The following IMPG1 variants were observed in gnomAD, a reference collection of about 807,000 sequenced individuals.
IMPG1 encodes the protein interphotoreceptor matrix proteoglycan of 150 kDa.
In IMPG1, 85 loss-of-function variants were observed where a neutral mutation model predicts 92.0. That is an observed-to-expected ratio of 0.92 (90% CI 0.78 to 1.11). The LOEUF (loss-of-function observed/expected upper bound fraction) is 1.11. Ranked by LOEUF, IMPG1 falls within the 50% of genes least tolerant of loss-of-function variation. The pLI, the probability that IMPG1 is intolerant of heterozygous loss-of-function variation, is 0.00. For missense variants in IMPG1, 1,022 were observed against 956.0 expected (o/e 1.07, Z -0.91); for synonymous variants, 367 against 334.1 (o/e 1.10, Z -1.08).
chr6:75,950,973 G>A lies in IMPG1; in HGVS notation c.1413C>T (p.Asp471=), dbSNP rs116034261. The change falls in exon 13 of 17, where the codon GAC becomes GAT. Residue 471 remains aspartate (D), a synonymous_variant. Transcript: ENST00000369950. ...DQGTTDTMAT[D]QTMLVPGLTI... ...TGAGCCCTGGTACTAGCATTGTCTG[G>A]TCAGTGGCCATTGTATCTGTGGTGC... 1,596 of 1,613,934 alleles carry A rather than the reference G, an allele frequency of 9.9e-4. 17 individuals are homozygous for A. The African/African-American group carries it at 0.019, about 19-fold the overall frequency.
intron 7 of IMPG1, among the ~76,000 whole-genome samples, chr6:76,013,596 G>A (rs566804708): frequency 1.3e-5 from 2 of 151,892 alleles, no homozygotes; most frequent in East Asian, 1.9e-4. Flanking sequence ...AGTCTGTGAG[G>A]TACATGTCAG....
chr6:76,052,299 G>A (rs555166752), intron 1 of IMPG1, among the ~76,000 whole-genome samples: 37 of 152,178 alleles, frequency 2.4e-4, no homozygotes, highest in Non-Finnish European at 5.1e-4. Flanking sequence ...AGTAGGGTGA[G>A]AGGGCAGGGC....
chr6:76,017,856 G>A (rs539666981), intron 7 of IMPG1, among the ~76,000 whole-genome samples: 5 of 152,244 alleles, frequency 3.3e-5, no homozygotes, highest in East Asian at 1.9e-4. Flanking sequence ...GGGTTCAAGC[G>A]GTTCTCCTGC....
At chr6:76,027,527 C>A (rs998165580) in intron 4 of IMPG1, among the ~76,000 whole-genome samples, 5 of 152,138 alleles carry the variant, frequency 3.3e-5, no homozygotes, top group Non-Finnish European at 5.9e-5. Flanking sequence ...TATAAGAAGG[C>A]ATGGAAATGT....
At chr6:75,971,956 C>T (rs1469499488) in intron 12 of IMPG1, among the ~76,000 whole-genome samples, 1 of 152,088 alleles carries the variant, frequency 6.6e-6, no homozygotes, top group South Asian at 2.1e-4. Flanking sequence ...TAATATCTTA[C>T]TTGGTTCCTC....
chr6:75,930,722 C>T (rs1159142629), intron 15 of IMPG1, among the ~76,000 whole-genome samples: 6 of 152,148 alleles, frequency 3.9e-5, no homozygotes, highest in Admixed American at 2.0e-4. Flanking sequence ...GGTCCTAGGA[C>T]CAGCAGCATC....
intron 5 of IMPG1, among the ~76,000 whole-genome samples, chr6:76,024,254 C>T (rs757564149): frequency 6.6e-6 from 1 of 152,100 alleles, no homozygotes; most frequent in African/African-American, 2.4e-5. Context: ...CATTTATTTA[C>T]AAATATCTAT....
intron 14 of IMPG1, among the ~76,000 whole-genome samples, chr6:75,943,338 C>T (rs901037577): frequency 1.3e-5 from 2 of 152,102 alleles, no homozygotes; most frequent in Non-Finnish European, 2.9e-5. Flanking sequence ...GCAGATCCCT[C>T]ATGATATGAG....
At chr6:75,973,929 A>G (rs7764513) in intron 12 of IMPG1, among the ~76,000 whole-genome samples, 70,051 of 152,040 alleles carry the variant, frequency 0.46, 16,562 homozygotes, top group East Asian at 0.72. Flanking sequence ...CTGCTTTAGG[A>G]ATGTGGTGAG....
chr6:75,959,637 T>A (rs542091381), intron 12 of IMPG1, among the ~76,000 whole-genome samples: 57 of 152,290 alleles, frequency 3.7e-4, no homozygotes, highest in African/African-American at 1.4e-3. Context: ...CTCCGCCCAG[T>A]TTGAACTTCT....
chr6:76,059,952 A>G (rs907814358), intron 1 of IMPG1, among the ~76,000 whole-genome samples: 2 of 152,188 alleles, frequency 1.3e-5, no homozygotes, highest in Non-Finnish European at 2.9e-5. Flanking sequence ...ATGCAGCAGG[A>G]AGCTTAAGAC....
At chr6:75,974,563 A>C (rs923031133) in intron 12 of IMPG1, among the ~76,000 whole-genome samples, 1 of 148,458 alleles carries the variant, frequency 6.7e-6, no homozygotes, top group Non-Finnish European at 1.5e-5. Flanking sequence ...TCTGCCTCCC[A>C]GGTTCAAGCG....
At position 76,010,220 on chromosome 6, in the gene IMPG1, G is replaced by T. The variant is rs530814845; in HGVS notation, c.866+946C>A. Among the ~76,000 whole-genome samples, 4 of 152,288 alleles carry T rather than the reference G, an allele frequency of 2.6e-5. No individual in the cohort carries two copies. In the East Asian group the frequency reaches 7.7e-4, roughly 29 times the overall value. The stretch of plus-strand genomic sequence containing the variant: ...GAGCCCTTGCTCTGTACATCTTCTT[G>T]CTTTCAGACAGTAGGCAGTGAAGGA... On this transcript the variant is annotated intron_variant, in intron 8 of 16. Transcript: ENST00000369950.
Position 76,005,414 on chromosome 6 carries a change from A to G in IMPG1, c.1008T>C (p.Tyr336=). 2 of 1,614,076 alleles carry G rather than the reference A, an allele frequency of 1.2e-6. No homozygotes were observed. The highest frequency in any genetic ancestry group is 8.5e-7 in the Non-Finnish European group (1 of 1,179,964). ...GCTTGTCCTCCTCCATGGTTCCATG[A>G]TAGACTTCCTCACTTTCAATTTTGT... ...DSNKIESEEV[Y]HGTMEEDKQP... is the part of the protein sequence containing the mutation. The change falls in exon 10 of 17, where the codon TAT becomes TAC. Residue 336 remains tyrosine, a synonymous_variant. Coordinates refer to ENST00000369950, the MANE Select transcript of IMPG1 (RefSeq NM_001563.4).
intron 12 of IMPG1, among the ~76,000 whole-genome samples, chr6:75,981,016 G>C (rs1356628788): frequency 6.6e-6 from 1 of 152,164 alleles, no homozygotes; most frequent in Non-Finnish European, 1.5e-5. Context: ...GAGAACACTG[G>C]TAGAGGAAAG....
intron 14 of IMPG1, chr6:75,934,969 AG>A: frequency 2.1e-6 from 1 of 471,544 alleles, no homozygotes; most frequent in Non-Finnish European, 4.4e-6. Context: ...ATCCTGTCCA[AG>A]GGCAAGGTTT....
intron 7 of IMPG1, among the ~76,000 whole-genome samples, chr6:76,014,027 C>A (rs774330406): frequency 7.9e-5 from 12 of 152,172 alleles, no homozygotes; most frequent in Non-Finnish European, 1.6e-4. Context: ...TGATCCGGAG[C>A]TCTTTGTACG....
At chr6:75,974,400 CT>C (rs1231384936) in intron 12 of IMPG1, among the ~76,000 whole-genome samples, 34 of 103,452 alleles carry the variant, frequency 3.3e-4, no homozygotes, top group East Asian at 1.0e-3. Flanking sequence ...TCTTTTCTTT[CT>C]TTCCTTCCTT....
intron 4 of IMPG1, among the ~76,000 whole-genome samples, chr6:76,028,631 C>A (rs2149486034): frequency 6.6e-6 from 1 of 152,294 alleles, no homozygotes; most frequent in South Asian, 2.1e-4. Context: ...AGATTGAGAT[C>A]ATCCTGGCTA....
Sources: allele counts gnomAD v4.1 joint callset (sites outside exome capture counted in the v4.1 genomes callset), GRCh38; gene constraint gnomAD v4.1.1; transcripts MANE v1.5; gene names NCBI Gene and HGNC (gene_info 2026-07-23, HGNC 2026-07-21).